The following ATP6V1G3 variants were observed in gnomAD, a reference collection of about 807,000 sequenced individuals.
ATP6V1G3 encodes ATPase H+ transporting V1 subunit G3, also known as V-type proton ATPase subunit G 3.
Under a neutral mutation model 9.3 loss-of-function variants are expected in ATP6V1G3, and 9 were observed. The ratio of observed to expected loss-of-function variants is 0.97; its 90% CI spans 0.59 to 1.69. The LOEUF (loss-of-function observed/expected upper bound fraction) is 1.69, where lower values mean the gene tolerates loss of function less well. Among genes scored for constraint, ATP6V1G3 ranks in the 40% most tolerant of loss-of-function variants. The pLI is 0.00. For synonymous variants in ATP6V1G3, 43 were observed against 43.8 expected (o/e 0.98, Z 0.07); for missense variants, 133 against 139.0 (o/e 0.96, Z 0.22).
intron 2 of ATP6V1G3, among the ~76,000 whole-genome samples, chr1:198,528,859 A>G (rs2103133392): frequency 6.6e-6 from 1 of 151,898 alleles, no homozygotes; most frequent in Non-Finnish European, 1.5e-5. Flanking sequence ...TTACATAATA[A>G]CTACTGATGG....
chr1:198,530,170 T>G (rs1406179252), intron 1 of ATP6V1G3, among the ~76,000 whole-genome samples: 1 of 152,166 alleles, frequency 6.6e-6, no homozygotes, highest in Non-Finnish European at 1.5e-5. Context: ...GTAAAATGCC[T>G]CCATTCTTTT....
At chr1:198,527,886 A>G (rs189071602) in intron 2 of ATP6V1G3, among the ~76,000 whole-genome samples, 13 of 152,310 alleles carry the variant, frequency 8.5e-5, no homozygotes, top group Non-Finnish European at 1.8e-4. Context: ...AATTTTAGAT[A>G]AAGTGATCAG....
chr1:198,530,815 C>A (rs761371716), intron 1 of ATP6V1G3, among the ~76,000 whole-genome samples: 17 of 152,064 alleles, frequency 1.1e-4, no homozygotes, highest in Non-Finnish European at 2.2e-4. Flanking sequence ...AACCCACTTT[C>A]TTCTATCTGT....
Position 198,534,116 on chromosome 1 carries a change from C to T in ATP6V1G3, c.83-4935G>A, listed in dbSNP as rs35685064. Among the ~76,000 whole-genome samples the T allele has an allele frequency of 3.3e-5, 5 of 152,152 alleles. No individual in the cohort carries two copies. In the South Asian group the frequency reaches 6.2e-4, roughly 19 times the overall value. On this transcript the variant is annotated intron_variant, in intron 1 of 2. Coordinates refer to ENST00000367382, the MANE Select transcript of ATP6V1G3 (RefSeq NM_001376861.1). ...AGCTAGAGGATTTAATTGTGCCCCC[C>T]GAAAACATATGTTGGAGTCCTAACT...
At chr1:198,529,215 T>TATATATAA (rs1553274432) in intron 1 of ATP6V1G3, 34 bp from the exon 2 acceptor site, 1 of 416,020 alleles carries the variant, frequency 2.4e-6, no homozygotes, top group African/African-American at 2.2e-5. Flanking sequence ...TATATATATA[T>TATATATAA]AATTATATAT....
intron 1 of ATP6V1G3, chr1:198,536,657 T>C: frequency 6.4e-7 from 1 of 1,570,768 alleles, no homozygotes; most frequent in Non-Finnish European, 8.7e-7. Flanking sequence ...GGAAAGTATC[T>C]GAACATTTCT....
chr1:198,534,582 A>G (rs535190688), intron 1 of ATP6V1G3, among the ~76,000 whole-genome samples: 217 of 152,340 alleles, frequency 1.4e-3, no homozygotes, highest in Admixed American at 5.9e-3. Flanking sequence ...AGGAGCATAG[A>G]GAAAACAATG....
At chr1:198,531,793 G>A (rs954717856) in intron 1 of ATP6V1G3, among the ~76,000 whole-genome samples, 1 of 152,010 alleles carries the variant, frequency 6.6e-6, no homozygotes, top group Non-Finnish European at 1.5e-5. Flanking sequence ...ACTTTGAGCA[G>A]GTTATTGAGT....
intron 2 of ATP6V1G3, among the ~76,000 whole-genome samples, chr1:198,524,874 G>A (rs542909372): frequency 6.6e-6 from 1 of 152,290 alleles, no homozygotes; most frequent in Admixed American, 6.5e-5. Flanking sequence ...AGATACTCCA[G>A]TAATGATTGA....
chr1:198,529,169 C>G lies in ATP6V1G3; in HGVS notation c.95G>C (p.Arg32Pro). The G allele has an allele frequency of 7.3e-7, 1 of 1,367,084 alleles. No individual in the cohort carries two copies. Among genetic ancestry groups the G allele is most frequent in the South Asian group, 2.1e-5 (1 of 48,096 alleles). The allele number at this position is 1,367,084 out of a possible 1,614,324, so 84.7% of individuals were successfully genotyped here. A position where few individuals can be genotyped will look rare whatever the true frequency, so the allele number is the denominator to read the frequency against. The change falls in exon 2 of 3, where the codon CGA becomes CCA. Residue 32 changes from arginine to proline, a missense_variant. Transcript: ENST00000367382. ...TGCTTCCTCCTTGGCTTGCTTCAAT[C>G]GCTTTCCTTTTCCTGAAAATTAACA... is the stretch of plus-strand genomic sequence containing the variant. ...LEEAKKRKGKRLKQAKEEAMV... is the reference protein window; with the variant it reads ...LEEAKKRKGKPLKQAKEEAMV...
At chr1:198,535,786 G>C (rs2103142389) in intron 1 of ATP6V1G3, among the ~76,000 whole-genome samples, 1 of 152,136 alleles carries the variant, frequency 6.6e-6, no homozygotes, top group African/African-American at 2.4e-5. Flanking sequence ...AAGGTTAAGA[G>C]GTAACCCACC....
Position 198,540,642 on chromosome 1 carries a change from G to C in ATP6V1G3, c.9C>G (p.Ser3Arg), listed in dbSNP as rs184813174. 2.5e-6 allele frequency: 4 copies of C among 1,613,990 alleles called. No individual in the cohort carries two copies. In the African/African-American group the frequency reaches 4.0e-5, roughly 16 times the overall value. The change falls in exon 1 of 3, where the codon AGC (serine) becomes AGG (arginine). Residue 3 changes from serine (S) to arginine (R), a missense_variant. Ser to Arg is a moderately radical substitution (Grantham distance 110). Coordinates refer to ENST00000367382, the MANE Select transcript of ATP6V1G3 (RefSeq NM_001376861.1). ...GAAGCTGGTGGATCCCCTGAGACTGGCTTGTCATGGTAGTCTGCTCCAAGC... is the reference window on the plus strand; with the variant it reads ...GAAGCTGGTGGATCCCCTGAGACTGCCTTGTCATGGTAGTCTGCTCCAAGC... Reference protein sequence around the residue: MTSQSQGIHQLLQ... With the variant: MTRQSQGIHQLLQ...
intron 2 of ATP6V1G3, among the ~76,000 whole-genome samples, chr1:198,524,916 A>G (rs1292431623): frequency 6.6e-6 from 1 of 152,208 alleles, no homozygotes; most frequent in Non-Finnish European, 1.5e-5. Flanking sequence ...ACTATTCTAA[A>G]TTCTAAAATC....
intron 1 of ATP6V1G3, among the ~76,000 whole-genome samples, chr1:198,534,096 G>T (rs961368593): frequency 6.6e-5 from 10 of 152,186 alleles, no homozygotes; most frequent in African/African-American, 7.2e-5. Context: ...TTGACAGCTA[G>T]AGGATTTAAT....
Position 198,540,644 on chromosome 1 carries a change from T to C in ATP6V1G3, c.7A>G (p.Ser3Gly). 1 of 1,613,994 alleles carries C rather than the reference T, an allele frequency of 6.2e-7. No homozygotes were observed. The highest frequency in any genetic ancestry group is 8.5e-7 in the Non-Finnish European group (1 of 1,179,894). MT[S>G]QSQGIHQLLQ... Reference sequence around the variant, plus strand: ...AGCTGGTGGATCCCCTGAGACTGGCTTGTCATGGTAGTCTGCTCCAAGCAA... The same window carrying C: ...AGCTGGTGGATCCCCTGAGACTGGCCTGTCATGGTAGTCTGCTCCAAGCAA... The change falls in exon 1 of 3, where the codon AGC (serine) becomes GGC (glycine). Residue 3 changes from serine to glycine, a missense_variant. Ser to Gly is a moderately conservative substitution (Grantham distance 56). Coordinates refer to ENST00000367382, the MANE Select transcript of ATP6V1G3 (RefSeq NM_001376861.1).
chr1:198,530,018 C>A (rs988744021), intron 1 of ATP6V1G3, among the ~76,000 whole-genome samples: 2 of 151,976 alleles, frequency 1.3e-5, no homozygotes, highest in Non-Finnish European at 2.9e-5. Flanking sequence ...GGGTTACAGA[C>A]AAATATTAAT....
At chr1:198,540,914 G>A (rs1425591648), upstream of ATP6V1G3, 2 of 488,320 alleles carry the variant, frequency 4.1e-6, no homozygotes, top group Non-Finnish European at 7.4e-6. Context: ...GAGATAAGGA[G>A]GTATAAATGA....
chr1:198,523,478 C>A lies in ATP6V1G3; in HGVS notation c.270G>T (p.Lys90Asn), dbSNP rs774551191. The A allele has an allele frequency of 6.2e-7, 1 of 1,613,502 alleles. No individual in the cohort carries two copies. Among genetic ancestry groups the A allele is most frequent in the Admixed American group, 1.7e-5 (1 of 59,960 alleles). Reference sequence around the variant, plus strand: ...GCTGGTTCATCACACTTTCCATATACTTATTGTAGTGTCCATTAAGTTCTT... The same window carrying A: ...GCTGGTTCATCACACTTTCCATATAATTATTGTAGTGTCCATTAAGTTCTT... ...KIQELNGHYN[K>N]YMESVMNQLL... The change falls in exon 3 of 3, where the codon AAG becomes AAT. Residue 90 changes from lysine (K) to asparagine (N), a missense_variant. Lys to Asn is a moderately conservative substitution (Grantham distance 94). Transcript: ENST00000367382.
chr1:198,535,007 T>C (rs1660049707), intron 1 of ATP6V1G3, among the ~76,000 whole-genome samples: 1 of 152,208 alleles, frequency 6.6e-6, no homozygotes, highest in Admixed American at 6.5e-5. Context: ...CTGTCAGATC[T>C]CTGCTTCCTG....
Sources: gnomAD v4.1 joint callset for allele counts (sites outside exome capture counted in the v4.1 genomes callset) on GRCh38, gnomAD v4.1.1 for gene constraint, MANE v1.5 for transcripts, NCBI Gene and HGNC (gene_info 2026-07-23, HGNC 2026-07-21) for gene names.